The following FANCG variants were observed in gnomAD, a reference collection of about 807,000 sequenced individuals.
FANCG encodes the protein FA complementation group G.
FANCG carries 67 observed loss-of-function variants against 73.3 expected under a neutral mutation model. That is an observed-to-expected ratio of 0.91 (90% CI 0.75 to 1.12). The LOEUF (loss-of-function observed/expected upper bound fraction) is 1.12, where lower values mean the gene tolerates loss of function less well. FANCG is among the 50% of genes most tolerant of loss of function. The pLI is 0.00. For missense variants in FANCG, 643 were observed against 735.6 expected, an observed-to-expected ratio of 0.87 and a Z score of 1.46; for synonymous variants, 297 against 311.6, an observed-to-expected ratio of 0.95 and a Z score of 0.49.
chr9:35,076,868 T>C lies in FANCG; in HGVS notation c.780A>G (p.Gly260=), dbSNP rs751407167. 1 of 1,614,194 alleles carries C rather than the reference T, an allele frequency of 6.2e-7. No individual in the cohort carries two copies. ...AGTACAACAGTGCTCTCTGTGGATTTCCCTAAAGGGATAGGAGGACACGGG... is the reference window on the plus strand; with the variant it reads ...AGTACAACAGTGCTCTCTGTGGATTCCCCTAAAGGGATAGGAGGACACGGG... ...TALGSCHRKM[G]NPQRALLYLV... is the part of the protein sequence containing the mutation. The change falls in exon 7 of 14, where the codon GGA becomes GGG. Residue 260 remains glycine, a splice_region_variant and synonymous_variant. Coordinates refer to ENST00000378643, the MANE Select transcript of FANCG (RefSeq NM_004629.2).
At position 35,076,543 on chromosome 9, in the gene FANCG, A is replaced by C. The variant is rs755753920; in HGVS notation, c.965T>G (p.Leu322Arg). ...TGGCAGTAGTAATTCTACCTCAATG[A>C]GAAACTGCGGGGCTTTGGAACTGCA... ...VPCSSKAPQF[L>R]IEVELLLPPP... Residue 322 changes from leucine to arginine, a missense_variant, in exon 8 of 14, where the codon CTC (leucine) becomes CGC (arginine). Leu to Arg is a moderately radical substitution (Grantham distance 102, BLOSUM62 -2). Transcript: ENST00000378643. 1 of 1,614,158 alleles carries C rather than the reference A, an allele frequency of 6.2e-7. No individual in the cohort carries two copies. The highest frequency in any genetic ancestry group is 8.5e-7 in the Non-Finnish European group (1 of 1,180,028).
In FANCG at chr9:35,076,978, C is replaced by A. The variant is rs372234656; in HGVS notation, c.770G>T (p.Arg257Leu). The change falls in exon 6 of 14, where the codon CGT (arginine) becomes CTT (leucine). Residue 257 changes from arginine to leucine, a missense_variant. Physicochemically the swap from Arg to Leu is moderately radical, Grantham distance 102. Coordinates refer to ENST00000378643, the MANE Select transcript of FANCG (RefSeq NM_004629.2). ...QVYTALGSCHRKMGNPQRALL... is the reference protein window; with the variant it reads ...QVYTALGSCHLKMGNPQRALL... The stretch of plus-strand genomic sequence containing the variant: ...CCCTAGGACTGTCTTTACCATCTTA[C>A]GGTGACAGGACCCCAGTGCTGTGTA... 6.2e-7 allele frequency: 1 copy of A among 1,614,076 alleles called. No homozygotes were observed. The highest frequency in any genetic ancestry group is 1.3e-5 in the African/African-American group (1 of 74,918).
chr9:35,079,045 A>G (rs2131059554), intron 2 of FANCG, 106 bp downstream of exon 2: 1 of 980,246 alleles, frequency 1.0e-6, no homozygotes, highest in Non-Finnish European at 1.6e-6. Context: ...TGCCTTAAAC[A>G]GGACTCCCTG....
At chr9:35,078,090 G>C in intron 4 of FANCG, 51 bp downstream of exon 4, 1 of 1,536,916 alleles carries the variant, frequency 6.5e-7, no homozygotes, top group Non-Finnish European at 9.0e-7. Flanking sequence ...GGAGAGAAAG[G>C]AGGAGGAAGG....
chr9:35,079,519 G>A lies in FANCG; in HGVS notation c.6C>T (p.Ser2=), dbSNP rs774139167. 2 of 1,614,046 alleles carry A rather than the reference G, an allele frequency of 1.2e-6. No homozygotes were observed. The highest frequency in any genetic ancestry group is 1.7e-6 in the Non-Finnish European group (2 of 1,180,032). The change falls in exon 1 of 14, where the codon TCC becomes TCT. Residue 2 remains serine, a synonymous_variant. Coordinates refer to ENST00000378643, the MANE Select transcript of FANCG (RefSeq NM_004629.2). The part of the protein sequence containing the change: M[S]RQTTSVGSSC... ...TGGAGCCCACAGAGGTGGTCTGGCG[G>A]GACATGGTGGCCGAGGCTGGGCCCG...
At chr9:35,079,379 A>G (rs1360547052) in intron 1 of FANCG, 62 bp downstream of exon 1, 1 of 1,599,286 alleles carries the variant, frequency 6.3e-7, no homozygotes, top group Admixed American at 1.7e-5. Context: ...GGGTAAATCC[A>G]CTGCAAACCC....
chr9:35,078,328 T>C lies in FANCG; in HGVS notation c.323A>G (p.Glu108Gly). ...CTGTTCCAACCTGGGCCCCTGCTGC[T>C]CCTGTGTCTCCAGCACTGTAGAGTA... ...RSLERVLETQEQQGPRLEQGL... is the reference protein window; with the variant it reads ...RSLERVLETQGQQGPRLEQGL... The change falls in exon 4 of 14, where the codon GAG becomes GGG. Residue 108 changes from glutamate to glycine, a missense_variant. By Grantham distance (98) the Glu-to-Gly change is moderately conservative. Coordinates refer to ENST00000378643, the MANE Select transcript of FANCG (RefSeq NM_004629.2). 1 of 1,613,522 alleles carries C rather than the reference T, an allele frequency of 6.2e-7. No individual in the cohort carries two copies. Among genetic ancestry groups the C allele is most frequent in the Non-Finnish European group, 8.5e-7 (1 of 1,179,982 alleles).
rs1829143867 is a variant in FANCG at position 35,079,431 on chromosome 9, ACC to A, written c.84+8_84+9del. ...AGGCTGCAAACCGAGGGTGCCAGCAACCGTGTTACCTTGGCCTGTCGAACGAG... is the reference window on the plus strand; with the variant it reads ...AGGCTGCAAACCGAGGGTGCCAGCAAGTGTTACCTTGGCCTGTCGAACGAG... On this transcript the variant is annotated splice_region_variant and intron_variant, in intron 1 of 13. Coordinates refer to ENST00000378643, the MANE Select transcript of FANCG (RefSeq NM_004629.2). The A allele has an allele frequency of 6.2e-7, 1 of 1,614,050 alleles. No individual in the cohort carries two copies. The highest frequency in any genetic ancestry group is 8.5e-7 in the Non-Finnish European group (1 of 1,180,012).
rs756632525 is a variant in FANCG at position 35,074,171 on chromosome 9, G to A, written c.1806C>T (p.Pro602=). ...CTTCAAGGAAGGCGTCACGATCAGA[G>A]GGACGGATCCAGCTCAAATAGCTTT... ...YLESYLSWIR[P]SDRDAFLEEF... The change falls in exon 14 of 14, where the codon CCC becomes CCT. Residue 602 remains proline (P), a synonymous_variant. Transcript: ENST00000378643. 9.9e-6 allele frequency: 16 copies of A among 1,614,128 alleles called. No homozygotes were observed. Among genetic ancestry groups the A allele is most frequent in the Non-Finnish European group, 1.3e-5 (15 of 1,180,056 alleles).
rs2131051761 is a variant in FANCG at position 35,074,407 on chromosome 9, T to C, written c.1724A>G (p.Glu575Gly). The C allele has an allele frequency of 6.2e-7, 1 of 1,614,180 alleles. No individual in the cohort carries two copies. The highest frequency in any genetic ancestry group is 1.1e-5 in the South Asian group (1 of 91,086). Residue 575 changes from glutamate (E) to glycine (G), a missense_variant, in exon 13 of 14, where the codon GAG becomes GGG. Coordinates refer to ENST00000378643, the MANE Select transcript of FANCG (RefSeq NM_004629.2). ...TTCATGTGACCCCTTAGTTTGGGCC[T>C]CCAGCCTCCACCAGAGTGCAGTGGC... ...DEATALWWRL[E>G]AQTKGSHEDA...
In FANCG at chr9:35,079,543, C is replaced by G. The variant is rs762155734; in HGVS notation, c.-19G>C. On this transcript the variant is annotated 5_prime_UTR_variant, in exon 1 of 14. Transcript: ENST00000378643. ...GGGACATGGTGGCCGAGGCTGGGCC[C>G]GGAGACCAGAAGCGGACTTAGGAAG... is the stretch of plus-strand genomic sequence containing the variant. 1.9e-6 allele frequency: 3 copies of G among 1,613,440 alleles called. No individual in the cohort carries two copies. Among genetic ancestry groups the G allele is most frequent in the African/African-American group, 2.7e-5 (2 of 74,908 alleles).
rs1829057358 is a variant in FANCG, at chr9:35,075,070, T to C, written c.1493A>G (p.Asn498Ser). 2.5e-6 allele frequency: 4 copies of C among 1,614,052 alleles called. No homozygotes were observed. The highest frequency in any genetic ancestry group is 3.4e-6 in the Non-Finnish European group (4 of 1,180,020). ...PEEKEQGAAF[N>S]CEQGCKSDAA... ...ATCTGACTTACATCCCTGCTCACAG[T>C]TGAAAGCTGCCCCTGGGGACCACTC... is the stretch of plus-strand genomic sequence containing the variant. The change falls in exon 12 of 14, where the codon AAC becomes AGC. Residue 498 changes from asparagine (N) to serine (S), a missense_variant. By Grantham distance (46) the Asn-to-Ser change is conservative (BLOSUM62 1). Transcript: ENST00000378643.
At chr9:35,076,341 C>T (rs1829082959) in intron 8 of FANCG, 91 bp downstream of exon 8, 2 of 1,500,040 alleles carry the variant, frequency 1.3e-6, no homozygotes, top group African/African-American at 1.4e-5. Context: ...CCTCATTCAT[C>T]CCCCAAGTCA....
Position 35,076,514 on chromosome 9 carries a change from G to T in FANCG, c.994C>A (p.Pro332Thr). The change falls in exon 8 of 14, where the codon CCT (proline) becomes ACT (threonine). Residue 332 changes from proline (P) to threonine (T), a missense_variant. Transcript: ENST00000378643. Reference sequence around the variant, plus strand: ...CAATGAAGGGGTGAGGCTAGGTCAGGTGGTGGCAGTAGTAATTCTACCTCA... The same window carrying T: ...CAATGAAGGGGTGAGGCTAGGTCAGTTGGTGGCAGTAGTAATTCTACCTCA... Reference protein sequence around the residue: ...LIEVELLLPPPDLASPLHCGT... With the variant: ...LIEVELLLPPTDLASPLHCGT... The T allele has an allele frequency of 6.2e-7, 1 of 1,614,214 alleles. No homozygotes were observed. Among genetic ancestry groups the T allele is most frequent in the Non-Finnish European group, 8.5e-7 (1 of 1,180,052 alleles).
At chr9:35,074,244 G>T (rs370246800) in intron 13 of FANCG, 28 bp from the exon 14 acceptor site, 277 of 1,611,972 alleles carry the variant, frequency 1.7e-4, no homozygotes, top group Non-Finnish European at 1.6e-4. Context: ...TGATGCCTAA[G>T]GGTGAAAGAT....
At position 35,079,328 on chromosome 9, in the gene FANCG, T is replaced by TTCTG. The variant is rs1165314734; in HGVS notation, c.85-91_85-88dup. On this transcript the variant is annotated intron_variant, in intron 1 of 13. Coordinates refer to ENST00000378643, the MANE Select transcript of FANCG (RefSeq NM_004629.2). ...GGCAAGGGATGCATTCTCCAGTCAT[T>TTCTG]TCTGGCTCTTTGGTCAAGCTCAGTC... The TTCTG allele has an allele frequency of 1.4e-5, 22 of 1,549,606 alleles. No homozygotes were observed. The South Asian group carries it at 2.0e-4, about 14-fold the overall frequency.
chr9:35,078,752 T>C lies in FANCG; in HGVS notation c.176-16A>G. On this transcript the variant is annotated splice_polypyrimidine_tract_variant and intron_variant, in intron 2 of 13. Coordinates refer to ENST00000378643, the MANE Select transcript of FANCG (RefSeq NM_004629.2). ...GCAGGGAGCCCTGGAGCAACAATGT[T>C]GGTCTTACAGACTGCTCCCCCATGG... 6.2e-7 allele frequency: 1 copy of C among 1,614,120 alleles called. No individual in the cohort carries two copies. Among genetic ancestry groups the C allele is most frequent in the Non-Finnish European group, 8.5e-7 (1 of 1,180,032 alleles).
chr9:35,077,315 C>T lies in FANCG; in HGVS notation c.595G>A (p.Asp199Asn). The T allele has an allele frequency of 1.9e-6, 3 of 1,614,134 alleles. No individual in the cohort carries two copies. Among genetic ancestry groups the T allele is most frequent in the Non-Finnish European group, 2.5e-6 (3 of 1,180,010 alleles). The part of the protein sequence containing the change: ...EELDAPLTLQ[D>N]AQGLKDVLLT... ...AGGACATCCTTCAATCCCTGGGCAT[C>T]CTGCAGGGTCAATGGAGCATCTAAT... Residue 199 changes from aspartate to asparagine, a missense_variant, in exon 5 of 14, where the codon GAT becomes AAT. Transcript: ENST00000378643.
rs750740611 is a variant in FANCG at position 35,077,126 on chromosome 9, T to C, written c.647-25A>G. The C allele has an allele frequency of 1.4e-5, 23 of 1,613,888 alleles. No individual in the cohort carries two copies. In the Admixed American group the frequency reaches 3.8e-4, roughly 27 times the overall value. On this transcript the variant is annotated intron_variant, in intron 5 of 13. Coordinates refer to ENST00000378643, the MANE Select transcript of FANCG (RefSeq NM_004629.2). ...CCTGAGGACAGTCAGGGTGTGAGCT[T>C]GGAGAGGGCTATAGAGCAGGGGTCA...
Sources: gnomAD v4.1 joint callset for allele counts on GRCh38, gnomAD v4.1.1 for gene constraint, MANE v1.5 for transcripts, NCBI Gene and HGNC (gene_info 2026-07-23, HGNC 2026-07-21) for gene names.